The following CELA1 variants were observed in gnomAD, a reference collection of about 807,000 sequenced individuals.
CELA1 encodes the protein chymotrypsin like elastase 1, also known as chymotrypsin-like elastase family member 1.
Under a neutral mutation model 34.8 loss-of-function variants are expected in CELA1, and 28 were observed. The observed-to-expected ratio is 0.80, with a 90% CI of 0.60 to 1.10. The LOEUF is 1.10. Among genes scored for constraint, CELA1 ranks in the 50% least tolerant of loss-of-function variants. The pLI is 0.00. For missense variants in CELA1, 288 were observed against 327.5 expected, an observed-to-expected ratio of 0.88 and a Z score of 0.93; for synonymous variants, 140 against 129.8, an observed-to-expected ratio of 1.08 and a Z score of -0.53.
chr12:51,333,794 C>T (rs536892186), intron 6 of CELA1, among the ~76,000 whole-genome samples: 1 of 152,332 alleles, frequency 6.6e-6, no homozygotes, highest in African/African-American at 2.4e-5. Context: ...AAAACAATCT[C>T]TTCCACCAAA....
chr12:51,340,954 G>T (rs1946530602), intron 5 of CELA1, among the ~76,000 whole-genome samples: 1 of 152,048 alleles, frequency 6.6e-6, no homozygotes, highest in African/African-American at 2.4e-5. Flanking sequence ...TTGCAGCCTG[G>T]GTGACAGAGC....
intron 6 of CELA1, among the ~76,000 whole-genome samples, chr12:51,331,170 A>T (rs1946467720): frequency 6.6e-6 from 1 of 151,676 alleles, no homozygotes; most frequent in African/African-American, 2.4e-5. Context: ...CGGGCGGATC[A>T]CCTGAGGTCA....
At chr12:51,337,539 CAAAAAAAAAAAAA>C (rs33950532) in intron 6 of CELA1, among the ~76,000 whole-genome samples, 4 of 69,358 alleles carry the variant, frequency 5.8e-5, no homozygotes, top group African/African-American at 6.4e-5. Context: ...CTTATCTCTT[CAAAAAAAAAAAAA>C]AAAAAAAAAA....
intron 6 of CELA1, among the ~76,000 whole-genome samples, chr12:51,337,809 C>A (rs1688875689): frequency 6.6e-6 from 1 of 150,936 alleles, no homozygotes; most frequent in African/African-American, 2.4e-5. Flanking sequence ...ACTAGGGAGG[C>A]TGAGGTGGGA....
intron 2 of CELA1, among the ~76,000 whole-genome samples, chr12:51,344,896 G>A (rs1039887483): frequency 4.6e-5 from 7 of 151,862 alleles, no homozygotes; most frequent in African/African-American, 1.7e-4. Context: ...AGGCTGAGGC[G>A]GGTGGATCAC....
chr12:51,337,156 C>G (rs1946503496), intron 6 of CELA1, among the ~76,000 whole-genome samples: 3 of 152,120 alleles, frequency 2.0e-5, no homozygotes, highest in African/African-American at 7.2e-5. Context: ...GTCAGCAAAC[C>G]TCTTCTGTTA....
At chr12:51,333,405 G>T (rs12298517) in intron 6 of CELA1, among the ~76,000 whole-genome samples, 431 of 137,918 alleles carry the variant, frequency 3.1e-3, no homozygotes, top group Middle Eastern at 3.7e-3. Flanking sequence ...TTTTTTTTTT[G>T]TTTTTTTTTT....
rs374089104 is a variant in CELA1 at position 51,341,212 on chromosome 12, C to T, written c.463+32G>A. ...AGCTCAGCTACCTAATCAAGATCCC[C>T]GTGGTGGATTGTGCCAATGTAGGCA... On this transcript the variant is annotated intron_variant, in intron 5 of 7. Transcript: ENST00000293636. 37 of 1,612,778 alleles carry T rather than the reference C, an allele frequency of 2.3e-5. No individual in the cohort carries two copies. The African/African-American group carries it at 2.8e-4, about 12-fold the overall frequency.
chr12:51,329,558 G>A (rs186993262), intron 7 of CELA1, 126 bp downstream of exon 7: 3 of 1,014,504 alleles, frequency 3.0e-6, no homozygotes, highest in East Asian at 2.5e-5. Flanking sequence ...AGGGAAGGGA[G>A]TAAACACATG....
At chr12:51,341,502 G>A in intron 4 of CELA1, 122 bp from the exon 5 acceptor site, 1 of 1,052,532 alleles carries the variant, frequency 9.5e-7, no homozygotes, top group Non-Finnish European at 1.4e-6. Flanking sequence ...CTTTGAAGAA[G>A]GACGGGGCTC....
rs747106304 is a variant in CELA1 at position 51,343,763 on chromosome 12, AG to A, written c.189del (p.Cys64AlafsTer17). 4 of 1,593,990 alleles carry A rather than the reference AG, an allele frequency of 2.5e-6. No individual in the cohort carries two copies. Among genetic ancestry groups the A allele is most frequent in the Non-Finnish European group, 3.4e-6 (4 of 1,162,122 alleles). On this transcript the variant is annotated frameshift_variant, in exon 3 of 8. Coordinates refer to ENST00000293636, the MANE Select transcript of CELA1 (RefSeq NM_001971.6). LOFTEE classifies it high-confidence loss of function. Reference sequence around the variant, plus strand: ...CTTTGTTTTTCTTACTAATCCACGCAGTGAGCAGCTGTCATCACCCAGTTCT... The same window carrying A: ...CTTTGTTTTTCTTACTAATCCACGCATGAGCAGCTGTCATCACCCAGTTCT... Reference protein sequence around the residue: ...IRQNWVMTAAHCVDYQKTFRV... With the variant: ...IRQNWVMTAAXCVDYQKTFRV...
intron 6 of CELA1, among the ~76,000 whole-genome samples, chr12:51,338,028 A>C (rs893173796): frequency 1.3e-5 from 2 of 151,638 alleles, no homozygotes; most frequent in African/African-American, 4.8e-5. Context: ...GTCCGAGACC[A>C]GCCAGTTCGA....
At chr12:51,337,207 C>A (rs11169806) in intron 6 of CELA1, among the ~76,000 whole-genome samples, 62,752 of 151,962 alleles carry the variant, frequency 0.41, 13,356 homozygotes, top group East Asian at 0.58. Context: ...CAGGCCATAC[C>A]GTCTTGATTG....
At position 51,328,506 on chromosome 12, in the gene CELA1, A is replaced by G; in HGVS notation, c.*71T>C. ...TCAATAGTCTTTCAGAATGTGTTTT[A>G]CTTTTTGATCGCAAGTCCTACTGCA... On this transcript the variant is annotated 3_prime_UTR_variant, in exon 8 of 8. Coordinates refer to ENST00000293636, the MANE Select transcript of CELA1 (RefSeq NM_001971.6). 6.8e-7 allele frequency: 1 copy of G among 1,471,630 alleles called. No homozygotes were observed. Among genetic ancestry groups the G allele is most frequent in the Non-Finnish European group, 9.5e-7 (1 of 1,050,640 alleles). 91.2% of individuals were successfully genotyped at this position (1,471,630 alleles called of 1,614,324 possible). A position where few individuals can be genotyped will look rare whatever the true frequency, so the allele number is the denominator to read the frequency against.
chr12:51,346,378 C>T (rs1389136144), intron 1 of CELA1, among the ~76,000 whole-genome samples: 1 of 152,106 alleles, frequency 6.6e-6, no homozygotes, highest in Non-Finnish European at 1.5e-5. Context: ...GCTTTGTGGC[C>T]CAGGGACCTG....
At chr12:51,340,388 CTTTTTTT>C (rs11315182) in intron 5 of CELA1, among the ~76,000 whole-genome samples, 2 of 121,556 alleles carry the variant, frequency 1.6e-5, no homozygotes, top group African/African-American at 3.0e-5. Context: ...TTCTTTCTTT[CTTTTTTT>C]TTTTTTTTTT....
intron 3 of CELA1, 102 bp downstream of exon 3, chr12:51,343,651 C>A: frequency 1.4e-6 from 1 of 700,238 alleles, no homozygotes. Flanking sequence ...ACTGCCCAGT[C>A]CCTGAAGTGC....
intron 6 of CELA1, among the ~76,000 whole-genome samples, chr12:51,330,269 T>G (rs1210493069): frequency 6.6e-6 from 1 of 152,178 alleles, no homozygotes; most frequent in Non-Finnish European, 1.5e-5. Context: ...GACCAATGGG[T>G]ATAATTAGAC....
Position 51,339,996 on chromosome 12 carries a change from T to C in CELA1, c.473A>G (p.Gln158Arg). ...AGCCTGCTGCAGGGTCTGGGCCAGC[T>C]GCCCATTGGCTGAACAGGACACACG... ...TGWGKTKTNG[Q>R]LAQTLQQAYL... The change falls in exon 6 of 8, where the codon CAG becomes CGG. Residue 158 changes from glutamine to arginine, a missense_variant. Coordinates refer to ENST00000293636, the MANE Select transcript of CELA1 (RefSeq NM_001971.6). 1 of 1,613,554 alleles carries C rather than the reference T, an allele frequency of 6.2e-7. No homozygotes were observed. Among genetic ancestry groups the C allele is most frequent in the Middle Eastern group, 1.7e-4 (1 of 6,058 alleles).
Sources: gnomAD v4.1 joint callset for allele counts (sites outside exome capture counted in the v4.1 genomes callset) on GRCh38, gnomAD v4.1.1 for gene constraint, MANE v1.5 for transcripts, NCBI Gene and HGNC (gene_info 2026-07-23, HGNC 2026-07-21) for gene names.